Variants in PHC3 observed in about 807,000 individuals in gnomAD.
PHC3 encodes the protein polyhomeotic-like protein 3.
PHC3 carries 13 observed loss-of-function variants against 107.4 expected under a neutral mutation model. The observed-to-expected ratio is 0.12, with a 90% CI of 0.08 to 0.19. The LOEUF is 0.19. Among genes scored for constraint, PHC3 ranks in the 10% least tolerant of loss-of-function variants. The pLI, the probability that PHC3 is intolerant of heterozygous loss-of-function variation, is 1.00. For missense variants in PHC3, 992 were observed against 1,210.9 expected (o/e 0.82, Z 2.68); for synonymous variants, 456 against 427.4 (o/e 1.07, Z -0.83).
chr3:170,132,529 G>C (rs1722425752), intron 7 of PHC3, among the ~76,000 whole-genome samples: 1 of 152,180 alleles, frequency 6.6e-6, no homozygotes, highest in African/African-American at 2.4e-5. Flanking sequence ...ACATGACATG[G>C]TTTGTGCCCT....
rs1301915926 is a variant in PHC3, at chr3:170,178,783, T to C, written c.170A>G (p.His57Arg). Residue 57 changes from histidine to arginine, a missense_variant, in exon 2 of 15, where the codon CAT (histidine) becomes CGT (arginine). By Grantham distance (29) the His-to-Arg change is conservative (BLOSUM62 0). Coordinates refer to ENST00000495893, the MANE Select transcript of PHC3 (RefSeq NM_024947.4). ...QISVYSGSDR[H>R]AVQVIQQALH... ...CTACAGCTGAAATACCTGTACAGCA[T>C]GTCGGTCTGAACCACTGTAGACAGA... The C allele has an allele frequency of 1.9e-6, 3 of 1,614,044 alleles. No homozygotes were observed. Among genetic ancestry groups the C allele is most frequent in the East Asian group, 2.2e-5 (1 of 44,884 alleles).
At chr3:170,143,988 T>A (rs1234503957) in intron 6 of PHC3, among the ~76,000 whole-genome samples, 1 of 151,950 alleles carries the variant, frequency 6.6e-6, no homozygotes, top group Non-Finnish European at 1.5e-5. Context: ...CTAAACATCA[T>A]GTTTTTTAAG....
chr3:170,129,317 T>C lies in PHC3; in HGVS notation c.1155A>G (p.Ser385=), dbSNP rs772422956. The C allele has an allele frequency of 1.2e-6, 2 of 1,613,916 alleles. No individual in the cohort carries two copies. The highest frequency in any genetic ancestry group is 1.7e-6 in the Non-Finnish European group (2 of 1,179,860). The change falls in exon 8 of 15, where the codon TCA becomes TCG. Residue 385 remains serine (S), a synonymous_variant. Coordinates refer to ENST00000495893, the MANE Select transcript of PHC3 (RefSeq NM_024947.4). ...APSNAQSQHC[S]PIQSHPSPLT... The stretch of plus-strand genomic sequence containing the variant: ...AAGGAGAGGGATGACTCTGAATCGG[T>C]GAACAATGCTGTGACTGGGCATTAC...
At position 170,136,623 on chromosome 3, in the gene PHC3, A is replaced by G; in HGVS notation, c.715T>C (p.Ser239Pro). ...TLRSQKLGVL[S>P]SSQNGPPKST... ...TTTGGTGGACCATTCTGTGAGCTAG[A>G]TAATACACCCAACTTCTGGCTGCGT... Residue 239 changes from serine to proline, a missense_variant, in exon 7 of 15, where the codon TCT becomes CCT. Ser to Pro is a moderately conservative substitution (Grantham distance 74). Coordinates refer to ENST00000495893, the MANE Select transcript of PHC3 (RefSeq NM_024947.4). 2 of 1,613,836 alleles carry G rather than the reference A, an allele frequency of 1.2e-6. No individual in the cohort carries two copies. The highest frequency in any genetic ancestry group is 1.7e-6 in the Non-Finnish European group (2 of 1,179,830).
intron 4 of PHC3, among the ~76,000 whole-genome samples, chr3:170,167,668 G>A (rs1161978637): frequency 6.6e-6 from 1 of 150,898 alleles, no homozygotes; most frequent in Non-Finnish European, 1.5e-5. Context: ...GCTGAGGCAG[G>A]AGAATCGCTT....
rs1298913180 is a variant in PHC3 at position 170,091,826 on chromosome 3, A to G, written c.*5404T>C. The stretch of plus-strand genomic sequence containing the variant: ...ACAATTTTAAAACGGATTAGGTTCT[A>G]AAAACTAATATGTAAAACTTTGAAA... On this transcript the variant is annotated 3_prime_UTR_variant, in exon 15 of 15. Coordinates refer to ENST00000495893, the MANE Select transcript of PHC3 (RefSeq NM_024947.4). The G allele has an allele frequency of 6.6e-6, 1 of 152,198 alleles. No homozygotes were observed. The highest frequency in any genetic ancestry group is 1.9e-4 in the East Asian group (1 of 5,204). The allele number at this position is 152,198 out of a possible 1,614,324, so 9.4% of individuals were successfully genotyped here.
At chr3:170,106,795 T>G (rs375785151) in intron 12 of PHC3, 37 bp downstream of exon 12, 34 of 1,516,376 alleles carry the variant, frequency 2.2e-5, no homozygotes, top group Non-Finnish European at 2.8e-5. Context: ...AATGGCTATT[T>G]ATCTGTCCTT....
chr3:170,097,514 A>AT lies in PHC3; in HGVS notation c.2834-131dup. 1 of 869,746 alleles carries AT rather than the reference A, an allele frequency of 1.1e-6. No individual in the cohort carries two copies. Among genetic ancestry groups the AT allele is most frequent in the Non-Finnish European group, 1.6e-6 (1 of 612,398 alleles). The allele number at this position is 869,746 out of a possible 1,614,324, so 53.9% of individuals were successfully genotyped here. On this transcript the variant is annotated intron_variant, in intron 14 of 14. Transcript: ENST00000495893. The surrounding 1 kb of genome is among the most constrained non-coding windows in gnomAD (Gnocchi z 4.1). ...ACAGGCTGAGAAACAAATGAAATTT[A>AT]TTTATGGTAGTCTTGAGTTCACTCT...
At chr3:170,165,747 T>C (rs1479460953) in intron 4 of PHC3, among the ~76,000 whole-genome samples, 1 of 126,678 alleles carries the variant, frequency 7.9e-6, no homozygotes, top group African/African-American at 3.1e-5. Flanking sequence ...GAGCAAGACC[T>C]TGTCTCAAAA....
At chr3:170,137,969 A>C (rs1486933832) in intron 6 of PHC3, among the ~76,000 whole-genome samples, 2 of 152,124 alleles carry the variant, frequency 1.3e-5, no homozygotes, top group Non-Finnish European at 2.9e-5. Context: ...TGGGAGGCCG[A>C]GGTGGGTGGA....
At chr3:170,146,145 C>G (rs1724894490) in intron 5 of PHC3, among the ~76,000 whole-genome samples, 1 of 152,114 alleles carries the variant, frequency 6.6e-6, no homozygotes, top group Admixed American at 6.6e-5. Context: ...AAGGCCAAGG[C>G]AGGTGGATCA....
In PHC3 at chr3:170,136,411, T is replaced by C; in HGVS notation, c.919+8A>G. The C allele has an allele frequency of 6.2e-7, 1 of 1,611,404 alleles. No homozygotes were observed. The highest frequency in any genetic ancestry group is 1.1e-5 in the South Asian group (1 of 90,194). On this transcript the variant is annotated splice_region_variant and intron_variant, in intron 7 of 14. Transcript: ENST00000495893. ...ATACAACTATTTTCAACAAAAGTTT[T>C]ATCCCACCTGGTGCTATTAACTGGT...
chr3:170,146,285 G>T (rs1328963042), intron 5 of PHC3, among the ~76,000 whole-genome samples: 1 of 151,114 alleles, frequency 6.6e-6, no homozygotes, highest in Non-Finnish European at 1.5e-5. Flanking sequence ...TGAGGCAGGA[G>T]AATCACTTGA....
At chr3:170,164,117 G>A (rs1451221688) in intron 4 of PHC3, among the ~76,000 whole-genome samples, 1 of 151,752 alleles carries the variant, frequency 6.6e-6, no homozygotes, top group Non-Finnish European at 1.5e-5. Context: ...CAGGAGAATT[G>A]CTTGAGAATT....
At chr3:170,156,316 G>A (rs540475833) in intron 4 of PHC3, among the ~76,000 whole-genome samples, 2 of 152,216 alleles carry the variant, frequency 1.3e-5, no homozygotes, top group South Asian at 2.1e-4. Context: ...GAATGCAGTG[G>A]CACAATCTCC....
intron 1 of PHC3, 91 bp from the exon 2 acceptor site, chr3:170,179,029 T>C (rs1730976815): frequency 8.2e-7 from 1 of 1,218,650 alleles, no homozygotes; most frequent in Non-Finnish European, 1.2e-6. Flanking sequence ...TCAGCAGTAA[T>C]CTAAACTGCT....
At chr3:170,125,680 A>G (rs1015397759) in intron 8 of PHC3, among the ~76,000 whole-genome samples, 6 of 152,220 alleles carry the variant, frequency 3.9e-5, no homozygotes, top group African/African-American at 1.4e-4. Context: ...ACTGTAAAAT[A>G]CTTTCCACTC....
In PHC3 at chr3:170,151,803, T is replaced by G. The variant is rs999996338; in HGVS notation, c.415-2559A>C. Among the ~76,000 whole-genome samples the G allele has an allele frequency of 5.3e-5, 8 of 152,246 alleles. 1 individual carries two copies. On this transcript the variant is annotated intron_variant, in intron 4 of 14. Transcript: ENST00000495893. The stretch of plus-strand genomic sequence containing the variant: ...TCCAGGCTTACACCAGGTAGGGGTA[T>G]AGAATCCACATCCACACTCCCTGTA...
At chr3:170,156,392 G>A (rs1178973995) in intron 4 of PHC3, among the ~76,000 whole-genome samples, 4 of 151,800 alleles carry the variant, frequency 2.6e-5, no homozygotes, top group African/African-American at 7.3e-5. Flanking sequence ...GAGTATCTGC[G>A]ACCACAAGCG....
Sources: allele counts gnomAD v4.1 joint callset (sites outside exome capture counted in the v4.1 genomes callset), GRCh38; gene constraint gnomAD v4.1.1; non-coding constraint Gnocchi (gnomAD v3.1); transcripts MANE v1.5; gene names NCBI Gene and HGNC (gene_info 2026-07-23, HGNC 2026-07-21).